The following SEMA3E variants were observed in gnomAD, a reference collection of about 807,000 sequenced individuals.
SEMA3E encodes semaphorin-3E.
A neutral mutation model predicts 93.6 loss-of-function variants in SEMA3E; 49 were observed. The ratio of observed to expected loss-of-function variants is 0.52; its 90% CI spans 0.42 to 0.66. SEMA3E has a LOEUF of 0.66. SEMA3E is among the 30% of genes least tolerant of loss of function. SEMA3E has a pLI of 0.00. For synonymous variants in SEMA3E, 363 were observed against 330.7 expected, an observed-to-expected ratio of 1.10 and a Z score of -1.06; for missense variants, 906 against 964.8, an observed-to-expected ratio of 0.94 and a Z score of 0.81.
chr7:83,490,341 T>G, intron 1 of SEMA3E, 67 bp from the exon 2 acceptor site: 1 of 1,519,446 alleles, frequency 6.6e-7, no homozygotes, highest in East Asian at 2.3e-5. Context: ...CACCCTTTTC[T>G]CATAGCTCTG....
chr7:83,408,340 A>G lies in SEMA3E; in HGVS notation c.670+28T>C, dbSNP rs190450031. 1.9e-6 allele frequency: 3 copies of G among 1,613,410 alleles called. No individual in the cohort carries two copies. In the African/African-American group the frequency reaches 4.0e-5, roughly 22 times the overall value. On this transcript the variant is annotated intron_variant, in intron 6 of 16. Coordinates refer to ENST00000643230, the MANE Select transcript of SEMA3E (RefSeq NM_012431.3). ...AGTTTTAGAGTTGATTTCAATCCTA[A>G]TTCACATACTCTTTTCCTCATCCTT... is the stretch of plus-strand genomic sequence containing the variant.
rs1237134631 is a variant in SEMA3E at position 83,367,493 on chromosome 7, T to C, written c.*93A>G. ...CATTCCTGTATTACAGAAATCTCTT[T>C]TAAGTAATGCAAAGAAGTTGGATGA... On this transcript the variant is annotated 3_prime_UTR_variant, in exon 17 of 17. Transcript: ENST00000643230. 4.3e-5 allele frequency: 55 copies of C among 1,282,870 alleles called. No homozygotes were observed. The highest frequency in any genetic ancestry group is 3.7e-4 in the Middle Eastern group (2 of 5,390). The allele number at this position is 1,282,870 out of a possible 1,614,324, so 79.5% of individuals were successfully genotyped here. A position where few individuals can be genotyped will look rare whatever the true frequency, so the allele number is the denominator to read the frequency against.
intron 1 of SEMA3E, among the ~76,000 whole-genome samples, chr7:83,596,533 T>G (rs1792875026): frequency 1.3e-5 from 2 of 152,122 alleles, no homozygotes; most frequent in Non-Finnish European, 2.9e-5. Flanking sequence ...AATATTTGCT[T>G]TTATAGCTAG....
intron 1 of SEMA3E, among the ~76,000 whole-genome samples, chr7:83,641,135 T>A (rs969411450): frequency 6.6e-6 from 1 of 152,222 alleles, no homozygotes; most frequent in Non-Finnish European, 1.5e-5. Flanking sequence ...CTCTAACATA[T>A]GTTATGCTAA....
intron 1 of SEMA3E, among the ~76,000 whole-genome samples, chr7:83,543,223 A>AG (rs1313843742): frequency 6.6e-6 from 1 of 152,110 alleles, no homozygotes; most frequent in Non-Finnish European, 1.5e-5. Context: ...AACAGATGTA[A>AG]AGTTATTTGG....
intron 1 of SEMA3E, among the ~76,000 whole-genome samples, chr7:83,497,912 G>T: frequency 6.6e-6 from 1 of 152,118 alleles, no homozygotes; most frequent in East Asian, 1.9e-4. Context: ...CCAGTTAAAA[G>T]AAAATAATAT....
In SEMA3E at chr7:83,490,255, T is replaced by A. The variant is rs1333896002; in HGVS notation, c.135A>T (p.Arg45Ser). The A allele has an allele frequency of 6.2e-7, 1 of 1,612,414 alleles. No homozygotes were observed. Among genetic ancestry groups the A allele is most frequent in the Non-Finnish European group, 8.5e-7 (1 of 1,179,300 alleles). The change falls in exon 2 of 17, where the codon AGA becomes AGT. Residue 45 changes from arginine to serine, a missense_variant. By Grantham distance (110) the Arg-to-Ser change is moderately radical. Coordinates refer to ENST00000643230, the MANE Select transcript of SEMA3E (RefSeq NM_012431.3). Reference sequence around the variant, plus strand: ...CAAAAGGGCTATGAAATATTGATGTTCTGTTCAGATTCAAGAGCTCTGAAA... The same window carrying A: ...CAAAAGGGCTATGAAATATTGATGTACTGTTCAGATTCAAGAGCTCTGAAA... ...LSHKELLNLN[R>S]TSIFHSPFGF...
rs1354250610 is a variant in SEMA3E, at chr7:83,366,486, TTAATA to T, written c.*1095_*1099del. 4 of 151,960 alleles carry T rather than the reference TTAATA, an allele frequency of 2.6e-5. No individual in the cohort carries two copies. Among genetic ancestry groups the T allele is most frequent in the African/African-American group, 9.7e-5 (4 of 41,428 alleles). 9.4% of individuals were successfully genotyped at this position (151,960 alleles called of 1,614,324 possible). A position where few individuals can be genotyped will look rare whatever the true frequency, so the allele number is the denominator to read the frequency against. ...ATTTGATATTTGAGAGCAAATCACT[TTAATA>T]TTTTTTTCACAAATAAAACACGGTT... On this transcript the variant is annotated 3_prime_UTR_variant, in exon 17 of 17. Transcript: ENST00000643230.
chr7:83,642,617 GT>G (rs1794028446), intron 1 of SEMA3E, among the ~76,000 whole-genome samples: 1 of 151,900 alleles, frequency 6.6e-6, no homozygotes, highest in South Asian at 2.1e-4. Flanking sequence ...TAACACTGAT[GT>G]TTTCTCTTAT....
intron 1 of SEMA3E, among the ~76,000 whole-genome samples, chr7:83,574,559 C>T (rs1792361347): frequency 6.6e-6 from 1 of 151,992 alleles, no homozygotes; most frequent in Non-Finnish European, 1.5e-5. Flanking sequence ...TCTTTACCCA[C>T]ATAAACTTGG....
intron 1 of SEMA3E, among the ~76,000 whole-genome samples, chr7:83,557,468 A>G (rs543444493): frequency 7.2e-5 from 11 of 152,130 alleles, no homozygotes; most frequent in African/African-American, 2.6e-4. Context: ...ATTAATTTAT[A>G]AACGTTTCAG....
intron 1 of SEMA3E, among the ~76,000 whole-genome samples, chr7:83,645,061 G>A (rs530021739): frequency 6.6e-6 from 1 of 151,956 alleles, no homozygotes; most frequent in Admixed American, 6.6e-5. Context: ...CATAGGTCTT[G>A]GCTTATTTGT....
At chr7:83,458,986 T>TAC (rs1554328035) in intron 4 of SEMA3E, among the ~76,000 whole-genome samples, 6 of 144,298 alleles carry the variant, frequency 4.2e-5, no homozygotes, top group Middle Eastern at 3.6e-3. Context: ...TATATATATA[T>TAC]ACACACACTG....
intron 1 of SEMA3E, among the ~76,000 whole-genome samples, chr7:83,593,767 G>C (rs1792810096): frequency 2.0e-5 from 3 of 151,954 alleles, no homozygotes; most frequent in Admixed American, 2.0e-4. Context: ...CGGGTCTAGA[G>C]ATAAAAGAGA....
Position 83,405,489 on chromosome 7 carries a change from T to A in SEMA3E, c.959A>T (p.His320Leu), listed in dbSNP as rs1212600085. ...EDVFLLPTRD[H>L]KNPVIFGLFN... The stretch of plus-strand genomic sequence containing the variant: ...GAGTCCAAATATCACTGGATTCTTA[T>A]GATCTCTGGTAGGTAGCAAAAAAAC... The change falls in exon 9 of 17, where the codon CAT becomes CTT. Residue 320 changes from histidine to leucine, a missense_variant. Coordinates refer to ENST00000643230, the MANE Select transcript of SEMA3E (RefSeq NM_012431.3). 1 of 1,613,116 alleles carries A rather than the reference T, an allele frequency of 6.2e-7. No individual in the cohort carries two copies. The highest frequency in any genetic ancestry group is 1.7e-5 in the Admixed American group (1 of 59,890).
chr7:83,579,480 T>A (rs1004076420), intron 1 of SEMA3E, among the ~76,000 whole-genome samples: 2 of 152,152 alleles, frequency 1.3e-5, no homozygotes, highest in Non-Finnish European at 2.9e-5. Context: ...GTTCAGTATA[T>A]TCTGAAATAA....
chr7:83,594,668 A>C (rs985778312), intron 1 of SEMA3E, among the ~76,000 whole-genome samples: 1 of 152,122 alleles, frequency 6.6e-6, no homozygotes, highest in Non-Finnish European at 1.5e-5. Context: ...AATATGTTAT[A>C]GTGGATAGTG....
chr7:83,639,131 A>AAC (rs1793945489), intron 1 of SEMA3E, among the ~76,000 whole-genome samples: 1 of 141,698 alleles, frequency 7.1e-6, no homozygotes, highest in African/African-American at 2.6e-5. Flanking sequence ...AAAAAAAAAA[A>AAC]AAAAAAAAAC....
At chr7:83,602,279 A>C (rs954722401) in intron 1 of SEMA3E, among the ~76,000 whole-genome samples, 2 of 152,204 alleles carry the variant, frequency 1.3e-5, no homozygotes, top group South Asian at 4.1e-4. Context: ...GAGAAAAACA[A>C]GTCATATTCT....
Sources: gnomAD v4.1 joint callset for allele counts (sites outside exome capture counted in the v4.1 genomes callset) on GRCh38, gnomAD v4.1.1 for gene constraint, MANE v1.5 for transcripts, NCBI Gene and HGNC (gene_info 2026-07-23, HGNC 2026-07-21) for gene names.